The following GSE1 variants were observed in gnomAD, a reference collection of about 807,000 sequenced individuals.
GSE1 encodes Gse1 coiled-coil protein, also known as genetic suppressor element 1.
A neutral mutation model predicts 112.6 loss-of-function variants in GSE1; 32 were observed. That is an observed-to-expected ratio of 0.28 (90% confidence interval 0.21 to 0.38). The LOEUF is 0.38. Among genes scored for constraint, GSE1 ranks in the 10% least tolerant of loss-of-function variants. The probability of loss-of-function intolerance (pLI) is 1.00; values close to 1 mark genes in which losing one functional copy is unlikely to be tolerated. For missense variants in GSE1, 2,348 were observed against 1,699.2 expected (o/e 1.38, Z -6.71); for synonymous variants, 1,115 against 735.6 (o/e 1.52, Z -8.35).
chr16:85,661,261 A>T lies in GSE1; in HGVS notation c.1756A>T (p.Asn586Tyr), dbSNP rs1349009750. ...CCATGCTGCACCCACGGCCCTCTGG[A>T]ACCCCGTGTCCCTGATGGACAACAC... ...QLHAAPTALW[N>Y]PVSLMDNTLE... is the part of the protein sequence containing the mutation. Residue 586 changes from asparagine to tyrosine, a missense_variant, in exon 9 of 16, where the codon AAC becomes TAC. Transcript: ENST00000253458. The T allele has an allele frequency of 8.1e-6, 13 of 1,612,824 alleles. No individual in the cohort carries two copies. Among genetic ancestry groups the T allele is most frequent in the Non-Finnish European group, 1.1e-5 (13 of 1,179,996 alleles).
At chr16:85,650,564 G>A (rs953466094) in intron 3 of GSE1, among the ~76,000 whole-genome samples, 2 of 152,202 alleles carry the variant, frequency 1.3e-5, no homozygotes, top group Non-Finnish European at 2.9e-5. Flanking sequence ...GTCCCTCCTC[G>A]GAGGGTCCTT....
At chr16:85,463,499 G>A (rs2050036128) in intron 2 of GSE1, among the ~76,000 whole-genome samples, 1 of 152,220 alleles carries the variant, frequency 6.6e-6, no homozygotes, top group South Asian at 2.1e-4. Context: ...TCCTGGAGGT[G>A]GGTCCAACCC....
intron 2 of GSE1, among the ~76,000 whole-genome samples, chr16:85,517,866 C>T (rs1251554608): frequency 6.6e-5 from 10 of 152,256 alleles, no homozygotes; most frequent in South Asian, 2.1e-4. Flanking sequence ...AGCGGAGCCG[C>T]GTGGTCGCGA....
chr16:85,667,733 C>G (rs1388894581), intron 13 of GSE1, among the ~76,000 whole-genome samples: 2 of 152,172 alleles, frequency 1.3e-5, no homozygotes, highest in African/African-American at 4.8e-5. Flanking sequence ...GTGGCACATG[C>G]GTGTAATTCC....
intron 2 of GSE1, among the ~76,000 whole-genome samples, chr16:85,366,208 G>C (rs906549171): frequency 2.0e-5 from 3 of 152,268 alleles, no homozygotes; most frequent in African/African-American, 7.2e-5. Flanking sequence ...CGAGTGCTTT[G>C]ACACCAGGCG....
intron 2 of GSE1, among the ~76,000 whole-genome samples, chr16:85,459,329 C>A (rs533171087): frequency 6.6e-6 from 1 of 152,200 alleles, no homozygotes; most frequent in African/African-American, 2.4e-5. Flanking sequence ...TTAGAAGGCA[C>A]CCCTTGCTTC....
intron 2 of GSE1, among the ~76,000 whole-genome samples, chr16:85,549,727 T>C (rs915175077): frequency 3.3e-5 from 5 of 152,190 alleles, no homozygotes; most frequent in Middle Eastern, 3.2e-3. Context: ...CTTGGAATGT[T>C]CATAGACGGT....
At chr16:85,640,316 G>A (rs939353353) in intron 2 of GSE1, among the ~76,000 whole-genome samples, 1 of 152,228 alleles carries the variant, frequency 6.6e-6, no homozygotes, top group Non-Finnish European at 1.5e-5. Flanking sequence ...TCTCCAAGCA[G>A]GTGTTGGCCG....
chr16:85,662,790 G>C, intron 9 of GSE1, 191 bp from the exon 10 acceptor site: 1 of 564,982 alleles, frequency 1.8e-6, no homozygotes, highest in East Asian at 3.0e-5. Context: ...CCTGGTGTCT[G>C]CGGTCCTGCA....
chr16:85,235,960 C>T (rs1391505581), intron 1 of GSE1, among the ~76,000 whole-genome samples: 1 of 152,022 alleles, frequency 6.6e-6, no homozygotes, highest in Admixed American at 6.5e-5. Flanking sequence ...GCAGCCGGCG[C>T]CCCCTCCGGC....
At chr16:85,454,428 G>C (rs2049768924) in intron 2 of GSE1, among the ~76,000 whole-genome samples, 1 of 152,242 alleles carries the variant, frequency 6.6e-6, no homozygotes. Context: ...AGGCTTGCCA[G>C]TGGGCCTTAG....
chr16:85,177,097 C>T (rs1009208491), intron 1 of GSE1, among the ~76,000 whole-genome samples: 6 of 152,208 alleles, frequency 3.9e-5, no homozygotes, highest in African/African-American at 9.7e-5. Flanking sequence ...CTCCTAAACC[C>T]GGAGGCAGTC....
chr16:85,175,533 G>T (rs796484469), intron 1 of GSE1, among the ~76,000 whole-genome samples: 4 of 152,348 alleles, frequency 2.6e-5, no homozygotes, highest in African/African-American at 9.6e-5. Context: ...CGCCTGGCTC[G>T]CAGTGGGGTT....
At chr16:85,652,146 A>C (rs1598594503) in intron 3 of GSE1, among the ~76,000 whole-genome samples, 1 of 151,906 alleles carries the variant, frequency 6.6e-6, no homozygotes, top group African/African-American at 2.4e-5. Context: ...TGTGCCATCA[A>C]CTCTGCTGCC....
At chr16:85,644,547 T>C (rs1008438808) in intron 2 of GSE1, among the ~76,000 whole-genome samples, 2 of 151,952 alleles carry the variant, frequency 1.3e-5, no homozygotes, top group Non-Finnish European at 2.9e-5. Flanking sequence ...CGGCTCCCAG[T>C]GAGAGGAGCC....
intron 2 of GSE1, among the ~76,000 whole-genome samples, chr16:85,549,030 G>A (rs1450825194): frequency 1.3e-5 from 2 of 152,048 alleles, no homozygotes; most frequent in Non-Finnish European, 2.9e-5. Flanking sequence ...CTCATGATCC[G>A]CCCGCCTCGG....
upstream of GSE1, among the ~76,000 whole-genome samples, chr16:85,552,638 G>A (rs934598735): frequency 2.0e-5 from 3 of 152,236 alleles, no homozygotes; most frequent in Non-Finnish European, 4.4e-5. Flanking sequence ...AGTCTCAGGT[G>A]GACCTCGATG....
At chr16:85,548,805 G>A (rs553311587) in intron 2 of GSE1, among the ~76,000 whole-genome samples, 101 of 152,040 alleles carry the variant, frequency 6.6e-4, no homozygotes, top group South Asian at 1.9e-3. Flanking sequence ...TTCTTTTTTT[G>A]TTGGAGACGG....
At chr16:85,652,099 A>G (rs1598594032) in intron 3 of GSE1, among the ~76,000 whole-genome samples, 1 of 152,032 alleles carries the variant, frequency 6.6e-6, no homozygotes, top group South Asian at 2.1e-4. Context: ...CCGGGCCCCC[A>G]CCCTGCTGGT....
Sources: gnomAD v4.1 joint callset for allele counts (sites outside exome capture counted in the v4.1 genomes callset) on GRCh38, gnomAD v4.1.1 for gene constraint, MANE v1.5 for transcripts, NCBI Gene and HGNC (gene_info 2026-07-23, HGNC 2026-07-21) for gene names.